Variants in TBC1D9 observed in about 807,000 individuals in gnomAD.
TBC1D9 encodes the protein TBC1 domain family member 9, also known as TBC1 domain family member 9A.
In TBC1D9, 63 loss-of-function variants were observed where a neutral mutation model predicts 132.0. The observed-to-expected ratio is 0.48, with a 90% confidence interval of 0.39 to 0.59. TBC1D9 has a LOEUF of 0.59. TBC1D9 is among the 20% of genes least tolerant of loss of function. The pLI is 0.00. For missense variants in TBC1D9, 1,261 were observed against 1,592.7 expected, an observed-to-expected ratio of 0.79 and a Z score of 3.54; for synonymous variants, 610 against 609.9, an observed-to-expected ratio of 1.00 and a Z score of 0.00.
chr4:140,734,629 CA>C (rs1211260094), intron 1 of TBC1D9, among the ~76,000 whole-genome samples: 1 of 151,954 alleles, frequency 6.6e-6, no homozygotes, highest in South Asian at 2.1e-4. Flanking sequence ...CCCATCTCTA[CA>C]AAAAAATTTT....
At chr4:140,697,037 A>G (rs921391191) in intron 2 of TBC1D9, among the ~76,000 whole-genome samples, 1 of 152,180 alleles carries the variant, frequency 6.6e-6, no homozygotes, top group Admixed American at 6.5e-5. Context: ...TTATCATGAA[A>G]AGGAGCCAGT....
intron 3 of TBC1D9, among the ~76,000 whole-genome samples, chr4:140,680,494 C>T (rs1737686739): frequency 6.6e-6 from 1 of 152,180 alleles, no homozygotes; most frequent in Non-Finnish European, 1.5e-5. Context: ...AGCCATTTCA[C>T]TGTTACCCAG....
At position 140,686,356 on chromosome 4, in the gene TBC1D9, T is replaced by C. The variant is rs770193819; in HGVS notation, c.348A>G (p.Arg116=). ...TTTATCCCACTACCTGTATTTTTCCTCTCACAAATGTGGTGATATCATTCT... is the reference window on the plus strand; with the variant it reads ...TTTATCCCACTACCTGTATTTTTCCCCTCACAAATGTGGTGATATCATTCT... ...ENENDITTFV[R]GKIQGIIAEY... is the part of the protein sequence containing the mutation. The change falls in exon 3 of 21, where the codon AGA becomes AGG. Residue 116 remains arginine (R), a synonymous_variant. Coordinates refer to ENST00000442267, the MANE Select transcript of TBC1D9 (RefSeq NM_015130.3). 3.8e-6 allele frequency: 6 copies of C among 1,578,348 alleles called. No individual in the cohort carries two copies. The highest frequency in any genetic ancestry group is 1.1e-5 in the South Asian group (1 of 87,494).
At chr4:140,681,996 G>A (rs774589192) in intron 3 of TBC1D9, among the ~76,000 whole-genome samples, 27 of 152,186 alleles carry the variant, frequency 1.8e-4, no homozygotes, top group East Asian at 5.8e-4. Context: ...AGAATGTCTC[G>A]AACATTTTAA....
intron 1 of TBC1D9, among the ~76,000 whole-genome samples, chr4:140,712,459 T>TATATATATATATATATATATATGC (rs1307852506): frequency 1.4e-5 from 2 of 145,894 alleles, no homozygotes; most frequent in African/African-American, 5.1e-5. Flanking sequence ...AATATATATA[T>TATATATATATATATATATATATGC]ATGCCAGGTG....
At chr4:140,746,220 T>C (rs561341606) in intron 1 of TBC1D9, among the ~76,000 whole-genome samples, 3 of 152,220 alleles carry the variant, frequency 2.0e-5, no homozygotes, top group South Asian at 2.1e-4. Flanking sequence ...CTAAACATAG[T>C]TGATACACAA....
At chr4:140,640,719 A>G (rs971270181) in intron 13 of TBC1D9, among the ~76,000 whole-genome samples, 20 of 152,334 alleles carry the variant, frequency 1.3e-4, no homozygotes, top group African/African-American at 4.6e-4. Flanking sequence ...GCTGACAAAC[A>G]GCATCGAGTG....
At chr4:140,636,169 G>C (rs969335542) in intron 15 of TBC1D9, among the ~76,000 whole-genome samples, 1 of 152,166 alleles carries the variant, frequency 6.6e-6, no homozygotes, top group African/African-American at 2.4e-5. Flanking sequence ...ATCATTTGGG[G>C]ACTATGGGCC....
chr4:140,723,447 T>A (rs1287177411), intron 1 of TBC1D9, among the ~76,000 whole-genome samples: 1 of 152,086 alleles, frequency 6.6e-6, no homozygotes, highest in African/African-American at 2.4e-5. Flanking sequence ...GATTCTCCTG[T>A]CTCAGCCTCC....
At chr4:140,624,987 G>A (rs2110962489) in intron 18 of TBC1D9, among the ~76,000 whole-genome samples, 1 of 152,220 alleles carries the variant, frequency 6.6e-6, no homozygotes, top group South Asian at 2.1e-4. Context: ...AGGAGGCAGA[G>A]GTTGCAGTGG....
chr4:140,636,688 T>A (rs1241347136), intron 15 of TBC1D9, among the ~76,000 whole-genome samples: 2 of 152,136 alleles, frequency 1.3e-5, no homozygotes, highest in African/African-American at 4.8e-5. Context: ...ACTGCACCTG[T>A]CTCTAGAAAT....
intron 9 of TBC1D9, among the ~76,000 whole-genome samples, chr4:140,668,509 A>G (rs149794572): frequency 1.5e-3 from 235 of 152,208 alleles, no homozygotes; most frequent in African/African-American, 5.3e-3. Context: ...CTTTCCTCCC[A>G]ATTCCCCACC....
At chr4:140,695,536 C>G (rs1245973905) in intron 2 of TBC1D9, among the ~76,000 whole-genome samples, 1 of 152,136 alleles carries the variant, frequency 6.6e-6, no homozygotes, top group East Asian at 1.9e-4. Flanking sequence ...GCCAGCAGCT[C>G]CTTCTGTATC....
At chr4:140,696,191 C>T (rs1737953709) in intron 2 of TBC1D9, among the ~76,000 whole-genome samples, 1 of 104,636 alleles carries the variant, frequency 9.6e-6, no homozygotes, top group Non-Finnish European at 2.1e-5. Flanking sequence ...GGCGTGATGG[C>T]TCACGCCTGT....
At chr4:140,660,953 C>A (rs942145791) in intron 10 of TBC1D9, among the ~76,000 whole-genome samples, 3 of 151,542 alleles carry the variant, frequency 2.0e-5, no homozygotes, top group African/African-American at 7.3e-5. Context: ...CTTGCTCTGT[C>A]GCCCAGGCTG....
chr4:140,712,395 T>C (rs1378828937), intron 1 of TBC1D9: 1 of 142,682 alleles, frequency 7.0e-6, no homozygotes, highest in African/African-American at 2.7e-5. Flanking sequence ...ATGAATCAAA[T>C]TGATTTTACC....
In TBC1D9 at chr4:140,622,447, G is replaced by A. The variant is rs1049754143; in HGVS notation, c.3549C>T (p.Ile1183=). 3 of 1,613,832 alleles carry A rather than the reference G, an allele frequency of 1.9e-6. No individual in the cohort carries two copies. Among genetic ancestry groups the A allele is most frequent in the African/African-American group, 1.3e-5 (1 of 74,934 alleles). ...TCCGCACCAGGACCGTGTCCTCTCC[G>A]ATGTCCTCGCAGTGCAGCTTGTCCT... ...HEEDKLHCED[I]GEDTVLVRSG... The change falls in exon 21 of 21, where the codon ATC becomes ATT. Residue 1183 remains isoleucine, a synonymous_variant. Coordinates refer to ENST00000442267, the MANE Select transcript of TBC1D9 (RefSeq NM_015130.3).
At chr4:140,696,327 G>C (rs1011444898) in intron 2 of TBC1D9, among the ~76,000 whole-genome samples, 1 of 151,744 alleles carries the variant, frequency 6.6e-6, no homozygotes, top group African/African-American at 2.4e-5. Context: ...CGTGGTGGCA[G>C]GTGCCTGTAA....
chr4:140,728,865 T>C (rs1374021783), intron 1 of TBC1D9, among the ~76,000 whole-genome samples: 2 of 152,156 alleles, frequency 1.3e-5, no homozygotes, highest in Non-Finnish European at 2.9e-5. Context: ...TGTTTCACCA[T>C]GTTGGCCAGG....
Sources: allele counts gnomAD v4.1 joint callset (sites outside exome capture counted in the v4.1 genomes callset), GRCh38; gene constraint gnomAD v4.1.1; transcripts MANE v1.5; gene names NCBI Gene and HGNC (gene_info 2026-07-23, HGNC 2026-07-21).